The following OR51B5 variants were observed in gnomAD, a reference collection of about 807,000 sequenced individuals.
OR51B5 encodes olfactory receptor family 51 subfamily B member 5.
For synonymous variants in OR51B5, 186 were observed against 144.8 expected, an observed-to-expected ratio of 1.28 and a Z score of -2.04; for missense variants, 456 against 374.6, an observed-to-expected ratio of 1.22 and a Z score of -1.79.
intron 1 of OR51B5, among the ~76,000 whole-genome samples, chr11:5,378,519 C>G (rs1849562966): frequency 6.6e-6 from 1 of 152,114 alleles, no homozygotes; most frequent in Admixed American, 6.5e-5. Flanking sequence ...TCAGAGTGAA[C>G]AGGCAACCTA....
chr11:5,420,257 A>G (rs1850310772), intron 1 of OR51B5, among the ~76,000 whole-genome samples: 3 of 152,072 alleles, frequency 2.0e-5, no homozygotes, highest in Admixed American at 1.3e-4. Flanking sequence ...ACACTTAAGA[A>G]AGTATGAATG....
chr11:5,371,325 A>G (rs916183806), intron 1 of OR51B5, among the ~76,000 whole-genome samples: 2 of 152,180 alleles, frequency 1.3e-5, no homozygotes, highest in African/African-American at 4.8e-5. Context: ...TGAACATATA[A>G]TTCTCATTCT....
At position 5,423,118 on chromosome 11, in the gene OR51B5, A is replaced by G. The variant is rs1371946344; in HGVS notation, n.85-76208T>C. 6 of 1,604,934 alleles carry G rather than the reference A, an allele frequency of 3.7e-6. No homozygotes were observed. In the Middle Eastern group the frequency reaches 8.3e-4, roughly 222 times the overall value. ...ACAAGCAGATCCAATGGGGAATGTT[A>G]AATTTCCTTTCCCTCAAAAATATGC... On this transcript the variant is annotated intron_variant and non_coding_transcript_variant, in intron 1 of 4. Transcript: ENST00000415970.
At chr11:5,423,039 A>T (rs150799476) in intron 1 of OR51B5, 2 of 1,614,104 alleles carry the variant, frequency 1.2e-6, no homozygotes, top group Non-Finnish European at 1.7e-6. Flanking sequence ...ATCATGGCCA[A>T]TATCTACCTG....
Position 5,464,335 on chromosome 11 carries a change from T to C in OR51B5, n.84+41234A>G, listed in dbSNP as rs559588189. 3.6e-4 allele frequency among the ~76,000 whole-genome samples: 55 copies of C among 152,332 alleles called. 1 individual carries two copies. The South Asian group carries it at 0.01, about 28-fold the overall frequency. ...TAAGTTTTAGGGTACATGTGCACGTTGTGCAGGTTAGTTACATATGTATAC... is the reference window on the plus strand; with the variant it reads ...TAAGTTTTAGGGTACATGTGCACGTCGTGCAGGTTAGTTACATATGTATAC... On this transcript the variant is annotated intron_variant and non_coding_transcript_variant, in intron 1 of 4. Transcript: ENST00000415970.
intron 1 of OR51B5, among the ~76,000 whole-genome samples, chr11:5,438,943 A>G (rs144270885): frequency 1.9e-4 from 29 of 152,340 alleles, no homozygotes; most frequent in Non-Finnish European, 2.8e-4. Flanking sequence ...GAAGAAGTTA[A>G]TAGACTGCAG....
At chr11:5,387,572 TCATA>T (rs1409760023) in intron 1 of OR51B5, among the ~76,000 whole-genome samples, 1 of 152,156 alleles carries the variant, frequency 6.6e-6, no homozygotes, top group African/African-American at 2.4e-5. Flanking sequence ...ACCTGCAAGA[TCATA>T]CATGACGTAG....
chr11:5,360,424 A>G (rs1374999482), intron 1 of OR51B5, among the ~76,000 whole-genome samples: 2 of 151,468 alleles, frequency 1.3e-5, no homozygotes, highest in African/African-American at 2.4e-5. Context: ...AGAAATACAA[A>G]TCAAAACCAC....
At chr11:5,400,306 TA>T (rs1273710914) in intron 1 of OR51B5, among the ~76,000 whole-genome samples, 1 of 152,238 alleles carries the variant, frequency 6.6e-6, no homozygotes, top group Non-Finnish European at 1.5e-5. Flanking sequence ...TTTCTTTCCA[TA>T]TTTTCATGAT....
chr11:5,434,326 T>C (rs1294483618), intron 1 of OR51B5, among the ~76,000 whole-genome samples: 4 of 152,190 alleles, frequency 2.6e-5, no homozygotes, highest in Non-Finnish European at 5.9e-5. Flanking sequence ...CCTACTCCAC[T>C]CTGGACCTAC....
chr11:5,496,866 C>T (rs1460049588), intron 1 of OR51B5, among the ~76,000 whole-genome samples: 2 of 152,182 alleles, frequency 1.3e-5, no homozygotes, highest in East Asian at 1.9e-4. Flanking sequence ...ACTCTCCTCC[C>T]TCCAAGAGTC....
At chr11:5,376,698 T>C (rs1402814291) in intron 1 of OR51B5, among the ~76,000 whole-genome samples, 1 of 151,886 alleles carries the variant, frequency 6.6e-6, no homozygotes, top group Admixed American at 6.6e-5. Context: ...GCAAATAAAC[T>C]AGAAAATCTA....
At chr11:5,497,963 G>A (rs769595438) in intron 1 of OR51B5, among the ~76,000 whole-genome samples, 4 of 152,136 alleles carry the variant, frequency 2.6e-5, no homozygotes, top group African/African-American at 4.8e-5. Context: ...ACTAATGACT[G>A]GTTACCTACT....
rs1385195842 is a variant in OR51B5, at chr11:5,400,092, T to A, written n.85-53182A>T. Reference sequence around the variant, plus strand: ...TAAGAATGCAGAAGAGAAATGTTTCTCATTTTCAGCCATAAGATGTTCTGA... The same window carrying A: ...TAAGAATGCAGAAGAGAAATGTTTCACATTTTCAGCCATAAGATGTTCTGA... On this transcript the variant is annotated intron_variant and non_coding_transcript_variant, in intron 1 of 4. Coordinates refer to the OR51B5 transcript ENST00000415970. 2.6e-5 allele frequency among the ~76,000 whole-genome samples: 4 copies of A among 152,180 alleles called. No homozygotes were observed. In the East Asian group the frequency reaches 7.7e-4, roughly 29 times the overall value.
At chr11:5,460,021 A>T (rs1266697675) in intron 1 of OR51B5, among the ~76,000 whole-genome samples, 2 of 152,198 alleles carry the variant, frequency 1.3e-5, no homozygotes, top group African/African-American at 4.8e-5. Flanking sequence ...TATCAAACAT[A>T]TACACCATGG....
intron 1 of OR51B5, chr11:5,403,016 C>A (rs1244083041): frequency 8.5e-6 from 4 of 471,462 alleles, no homozygotes; most frequent in Non-Finnish European, 1.8e-5. Context: ...GCTATCCTGA[C>A]ACTGCCCAGG....
At chr11:5,463,647 G>A (rs78333847) in intron 1 of OR51B5, among the ~76,000 whole-genome samples, 6,791 of 152,148 alleles carry the variant, frequency 0.045, 168 homozygotes, top group Middle Eastern at 0.068. Flanking sequence ...TTGTTTGTTT[G>A]TTTATAAGGA....
At chr11:5,392,409 C>T (rs1321619562) in intron 1 of OR51B5, 2 of 152,098 alleles carry the variant, frequency 1.3e-5, no homozygotes, top group African/African-American at 4.8e-5. Context: ...GAATGGGGTA[C>T]AAAAAATTTA....
intron 1 of OR51B5, chr11:5,453,593 T>C (rs368086802): frequency 6.2e-7 from 1 of 1,613,658 alleles, no homozygotes; most frequent in Non-Finnish European, 8.5e-7. Flanking sequence ...GCGTGATGTA[T>C]GCTGTGGCCC....
Sources: gnomAD v4.1 joint callset for allele counts (sites outside exome capture counted in the v4.1 genomes callset) on GRCh38, gnomAD v4.1.1 for gene constraint, MANE v1.5 for transcripts, NCBI Gene and HGNC (gene_info 2026-07-23, HGNC 2026-07-21) for gene names.